The following TBC1D5 variants were observed in gnomAD, a reference collection of about 807,000 sequenced individuals.
The protein encoded by TBC1D5 is TBC1 domain family member 5.
Under a neutral mutation model 100.3 loss-of-function variants are expected in TBC1D5, and 75 were observed. The observed-to-expected ratio is 0.75, with a 90% CI of 0.62 to 0.91. TBC1D5 has a LOEUF of 0.91. TBC1D5 is among the 40% of genes least tolerant of loss of function. The pLI is 0.00. For missense variants in TBC1D5, 910 were observed against 942.4 expected (o/e 0.97, Z 0.45); for synonymous variants, 323 against 325.6 (o/e 0.99, Z 0.09).
chr3:17,481,973 T>C (rs1224359737), intron 3 of TBC1D5, among the ~76,000 whole-genome samples: 3 of 152,344 alleles, frequency 2.0e-5, no homozygotes, highest in Admixed American at 2.0e-4. Context: ...ACTCCTGACC[T>C]CAGATGATCC....
At chr3:17,710,929 C>T (rs1560530223) in intron 1 of TBC1D5, among the ~76,000 whole-genome samples, 1 of 152,104 alleles carries the variant, frequency 6.6e-6, no homozygotes, top group Non-Finnish European at 1.5e-5. Flanking sequence ...AAACTCCTGA[C>T]CTCGTGATCT....
At chr3:17,343,429 T>A (rs1371183753) in intron 13 of TBC1D5, among the ~76,000 whole-genome samples, 1 of 151,320 alleles carries the variant, frequency 6.6e-6, no homozygotes, top group Non-Finnish European at 1.5e-5. Flanking sequence ...TAAAATTCTC[T>A]TTTTTGGTTG....
rs916099204 is a variant in TBC1D5 at position 17,218,439 on chromosome 3, G to C, written c.1589-4069C>G. Among the ~76,000 whole-genome samples the C allele has an allele frequency of 2.6e-4, 40 of 152,032 alleles. 1 individual carries two copies. Among genetic ancestry groups the C allele is most frequent in the Admixed American group, 2.2e-3 (33 of 15,244 alleles). ...TAGTACTGCCATATTAACAATACAA[G>C]ATTTATGAAAAATAAATTTATATTA... On this transcript the variant is annotated intron_variant, in intron 17 of 21. Coordinates refer to ENST00000253692, the Ensembl canonical transcript of TBC1D5.
chr3:17,651,527 G>A (rs1388850760), intron 1 of TBC1D5, among the ~76,000 whole-genome samples: 2 of 152,082 alleles, frequency 1.3e-5, no homozygotes, highest in Admixed American at 6.6e-5. Context: ...TGGCCAACAT[G>A]GTGAAACACC....
intron 1 of TBC1D5, among the ~76,000 whole-genome samples, chr3:17,643,820 A>AT (rs2064765185): frequency 6.6e-6 from 1 of 152,070 alleles, no homozygotes; most frequent in Non-Finnish European, 1.5e-5. Context: ...TTGTAGCCTC[A>AT]TTTTTTATTG....
chr3:17,410,213 A>G (rs1038463473), intron 4 of TBC1D5, among the ~76,000 whole-genome samples: 3 of 152,158 alleles, frequency 2.0e-5, no homozygotes, highest in African/African-American at 7.2e-5. Flanking sequence ...AAATGGAATA[A>G]CAAAGCCTGG....
intron 4 of TBC1D5, among the ~76,000 whole-genome samples, chr3:17,418,779 T>C (rs373436979): frequency 1.3e-5 from 2 of 152,214 alleles, no homozygotes; most frequent in East Asian, 3.9e-4. Context: ...GGCATAATTT[T>C]GTCACTGATG....
At chr3:17,473,886 T>C (rs953874281) in intron 3 of TBC1D5, among the ~76,000 whole-genome samples, 3 of 149,354 alleles carry the variant, frequency 2.0e-5, no homozygotes, top group African/African-American at 5.1e-5. Context: ...AGTTTTTACT[T>C]TACTTTTTTT....
intron 18 of TBC1D5, among the ~76,000 whole-genome samples, chr3:17,194,915 G>A (rs2070449378): frequency 6.6e-6 from 1 of 152,102 alleles, no homozygotes; most frequent in Admixed American, 6.5e-5. Flanking sequence ...AATATCTAAA[G>A]TAAAGTAAAT....
At chr3:17,380,039 CTGTGTATGTGTGTGTGTGTGTGTGTGTG>C (rs766764582) in intron 9 of TBC1D5, among the ~76,000 whole-genome samples, 2 of 100,134 alleles carry the variant, frequency 2.0e-5, no homozygotes, top group South Asian at 8.6e-4. Flanking sequence ...ACAGCTGTGA[CTGTGTATGTGTGTGTGTGTGTGTGTGTG>C]TGTGTGTGTG....
chr3:17,535,888 A>G (rs567875791), intron 2 of TBC1D5, among the ~76,000 whole-genome samples: 1 of 152,278 alleles, frequency 6.6e-6, no homozygotes, highest in East Asian at 1.9e-4. Context: ...TATGGCAATT[A>G]CCAAAAAAAA....
chr3:17,690,560 C>A (rs1169413971), intron 1 of TBC1D5, among the ~76,000 whole-genome samples: 3 of 152,180 alleles, frequency 2.0e-5, no homozygotes, highest in Non-Finnish European at 4.4e-5. Flanking sequence ...ACCCCTGGGG[C>A]CACAGACAAG....
intron 17 of TBC1D5, chr3:17,233,689 G>C (rs764582333): frequency 2.0e-6 from 3 of 1,524,798 alleles, no homozygotes; most frequent in South Asian, 1.2e-5. Flanking sequence ...CTGTACCTTG[G>C]AGGTCAGTTA....
intron 13 of TBC1D5, among the ~76,000 whole-genome samples, chr3:17,308,711 C>T (rs2083662421): frequency 1.3e-5 from 2 of 152,074 alleles, no homozygotes; most frequent in Admixed American, 6.6e-5. Flanking sequence ...TATAGTCATA[C>T]TTATTTTTTT....
intron 2 of TBC1D5, among the ~76,000 whole-genome samples, chr3:17,534,290 A>G (rs187525683): frequency 1.9e-4 from 29 of 152,308 alleles, no homozygotes; most frequent in African/African-American, 6.0e-4. Flanking sequence ...AAATATGTCC[A>G]TATTATCTTC....
chr3:17,635,014 C>T (rs1358085868), intron 1 of TBC1D5, among the ~76,000 whole-genome samples: 1 of 151,802 alleles, frequency 6.6e-6, no homozygotes, highest in Non-Finnish European at 1.5e-5. Flanking sequence ...AAAAAATTTA[C>T]AAAAATAATG....
chr3:17,288,982 G>A (rs980905240), intron 15 of TBC1D5, among the ~76,000 whole-genome samples: 5 of 152,220 alleles, frequency 3.3e-5, no homozygotes, highest in African/African-American at 1.2e-4. Flanking sequence ...AGTCCACTGG[G>A]TTGCGGACAA....
At chr3:17,623,397 C>T (rs913697920) in intron 2 of TBC1D5, among the ~76,000 whole-genome samples, 14 of 152,274 alleles carry the variant, frequency 9.2e-5, no homozygotes, top group Middle Eastern at 6.8e-3. Context: ...AGATTTGATT[C>T]TTCCATCGGA....
At chr3:17,274,886 T>G (rs2079819425) in intron 15 of TBC1D5, among the ~76,000 whole-genome samples, 2 of 152,278 alleles carry the variant, frequency 1.3e-5, no homozygotes, top group South Asian at 4.1e-4. Flanking sequence ...GGCTGACGAT[T>G]TAGTGAAACA....
Sources: gnomAD v4.1 joint callset for allele counts (sites outside exome capture counted in the v4.1 genomes callset) on GRCh38, gnomAD v4.1.1 for gene constraint, MANE v1.5 for transcripts, NCBI Gene and HGNC (gene_info 2026-07-23, HGNC 2026-07-21) for gene names.